The following ASTN2 variants were observed in gnomAD, a reference collection of about 807,000 sequenced individuals.
ASTN2 encodes astrotactin 2, also known as astrotactin-2.
ASTN2 carries 54 observed loss-of-function variants against 139.8 expected under a neutral mutation model. That is an observed-to-expected ratio of 0.39 (90% CI 0.31 to 0.48). ASTN2 has a LOEUF of 0.48. Among genes scored for constraint, ASTN2 ranks in the 20% least tolerant of loss-of-function variants. The pLI is 0.95. For synonymous variants in ASTN2, 756 were observed against 719.5 expected (o/e 1.05, Z -0.81); for missense variants, 1,565 against 1,725.1 (o/e 0.91, Z 1.64).
intron 16 of ASTN2, among the ~76,000 whole-genome samples, chr9:116,706,984 T>C (rs547228782): frequency 6.6e-6 from 1 of 152,006 alleles, no homozygotes; most frequent in African/African-American, 2.4e-5. Context: ...CTTACCTGTG[T>C]CTCTGAATTG....
At chr9:117,375,776 C>T (rs572040406) in intron 1 of ASTN2, among the ~76,000 whole-genome samples, 5 of 152,238 alleles carry the variant, frequency 3.3e-5, no homozygotes, top group South Asian at 4.2e-4. Context: ...TTTTGCAGGT[C>T]GGAAGTCCAA....
At chr9:116,800,172 C>T (rs1430444078) in intron 13 of ASTN2, among the ~76,000 whole-genome samples, 1 of 152,114 alleles carries the variant, frequency 6.6e-6, no homozygotes, top group African/African-American at 2.4e-5. Flanking sequence ...ACATTTCCCC[C>T]TTCCCCGCCT....
At chr9:116,488,104 T>C (rs1394596899) in intron 19 of ASTN2, among the ~76,000 whole-genome samples, 1 of 152,186 alleles carries the variant, frequency 6.6e-6, no homozygotes, top group Non-Finnish European at 1.5e-5. Context: ...CATGATGTCA[T>C]GGAACGTTCA....
intron 16 of ASTN2, among the ~76,000 whole-genome samples, chr9:116,694,625 T>C (rs1174228782): frequency 1.0e-5 from 1 of 95,904 alleles, no homozygotes; most frequent in African/African-American, 4.2e-5. Context: ...CACGCCCAGC[T>C]AATTTTTTTT....
chr9:116,999,814 C>T (rs986925869), intron 7 of ASTN2, among the ~76,000 whole-genome samples: 1 of 152,038 alleles, frequency 6.6e-6, no homozygotes, highest in Non-Finnish European at 1.5e-5. Flanking sequence ...CCTGCCTTAG[C>T]GTCCCAAAGT....
intron 13 of ASTN2, among the ~76,000 whole-genome samples, chr9:116,735,594 T>C (rs1397019887): frequency 6.6e-6 from 1 of 152,174 alleles, no homozygotes; most frequent in African/African-American, 2.4e-5. Flanking sequence ...GTCCTCTAGA[T>C]CTTCTCAGCC....
intron 16 of ASTN2, among the ~76,000 whole-genome samples, chr9:116,657,505 C>A (rs905459689): frequency 2.6e-5 from 4 of 152,150 alleles, no homozygotes; most frequent in African/African-American, 9.7e-5. Context: ...GGAAATCTAA[C>A]CAATTTCACA....
At chr9:116,568,858 T>A (rs1853367824) in intron 19 of ASTN2, 1 of 152,188 alleles carries the variant, frequency 6.6e-6, no homozygotes, top group Non-Finnish European at 1.5e-5. Context: ...GGATGGCCTG[T>A]TAAAGAAGAA....
chr9:117,383,062 A>T (rs1830311440), intron 1 of ASTN2, among the ~76,000 whole-genome samples: 1 of 152,212 alleles, frequency 6.6e-6, no homozygotes, highest in Admixed American at 6.5e-5. Flanking sequence ...AACCGCAGAC[A>T]ATACGTAAAC....
chr9:116,685,624 T>C (rs1380175571), intron 16 of ASTN2, among the ~76,000 whole-genome samples: 1 of 152,250 alleles, frequency 6.6e-6, no homozygotes, highest in Non-Finnish European at 1.5e-5. Context: ...TCTAATATTG[T>C]GCCAGGATAT....
chr9:117,079,354 G>A (rs1393684749), intron 5 of ASTN2, among the ~76,000 whole-genome samples: 1 of 152,064 alleles, frequency 6.6e-6, no homozygotes, highest in African/African-American at 2.4e-5. Flanking sequence ...AGACCCTGTC[G>A]AGAGAGAGTG....
intron 2 of ASTN2, among the ~76,000 whole-genome samples, chr9:117,230,427 A>G (rs1055511903): frequency 4.6e-5 from 7 of 151,986 alleles, no homozygotes; most frequent in Non-Finnish European, 2.9e-5. Flanking sequence ...GTCTCTCTCC[A>G]TCTCCTCTTC....
At chr9:116,740,388 A>T (rs567862035) in intron 13 of ASTN2, among the ~76,000 whole-genome samples, 1 of 152,328 alleles carries the variant, frequency 6.6e-6, no homozygotes, top group Non-Finnish European at 1.5e-5. Flanking sequence ...TACAAATTCT[A>T]GCTGTGTGAC....
At chr9:117,158,876 G>A (rs1360401219) in intron 3 of ASTN2, among the ~76,000 whole-genome samples, 1 of 151,834 alleles carries the variant, frequency 6.6e-6, no homozygotes, top group East Asian at 1.9e-4. Flanking sequence ...GCTTTTCTGG[G>A]ACAACAGACA....
chr9:116,761,157 C>T (rs13291355), intron 13 of ASTN2, among the ~76,000 whole-genome samples: 22,517 of 152,156 alleles, frequency 0.15, 2,090 homozygotes, highest in Non-Finnish European at 0.21. Context: ...TTCACCTGCA[C>T]CTGCATCGAT....
chr9:117,206,877 A>T (rs568505562), intron 3 of ASTN2, among the ~76,000 whole-genome samples: 1 of 152,284 alleles, frequency 6.6e-6, no homozygotes, highest in Non-Finnish European at 1.5e-5. Flanking sequence ...ACAGGACCTG[A>T]GAACTGGCTC....
intron 4 of ASTN2, among the ~76,000 whole-genome samples, chr9:117,131,946 T>A (rs1587998467): frequency 6.6e-6 from 1 of 152,262 alleles, no homozygotes; most frequent in African/African-American, 2.4e-5. Context: ...TTTAAATATT[T>A]TATGGATTTT....
intron 3 of ASTN2, among the ~76,000 whole-genome samples, chr9:117,146,353 C>T (rs1221623810): frequency 6.6e-6 from 1 of 150,726 alleles, no homozygotes; most frequent in Non-Finnish European, 1.5e-5. Flanking sequence ...TTCTAATTGA[C>T]ATATAAGAGA....
At chr9:116,863,816 T>C (rs1014559162) in intron 10 of ASTN2, 83 bp from the exon 11 acceptor site, 1 of 1,363,096 alleles carries the variant, frequency 7.3e-7, no homozygotes, top group Admixed American at 2.6e-5. Context: ...TCATTACATT[T>C]GAAACCATAA....
Sources: allele counts gnomAD v4.1 joint callset (sites outside exome capture counted in the v4.1 genomes callset), GRCh38; gene constraint gnomAD v4.1.1; transcripts MANE v1.5; gene names NCBI Gene and HGNC (gene_info 2026-07-23, HGNC 2026-07-21).